The following KRT13 variants were observed in gnomAD, a reference collection of about 807,000 sequenced individuals.
KRT13 encodes keratin 13, also known as keratin, type I cytoskeletal 13.
A neutral mutation model predicts 40.6 loss-of-function variants in KRT13; 27 were observed. The ratio of observed to expected loss-of-function variants is 0.67; its 90% CI spans 0.49 to 0.92. The LOEUF (loss-of-function observed/expected upper bound fraction) is 0.92, where lower values mean the gene tolerates loss of function less well. Ranked by LOEUF, KRT13 falls within the 40% of genes least tolerant of loss-of-function variation. The pLI is 0.00. For missense variants in KRT13, 605 were observed against 611.5 expected, an observed-to-expected ratio of 0.99 and a Z score of 0.11; for synonymous variants, 266 against 240.3, an observed-to-expected ratio of 1.11 and a Z score of -0.99.
intron 6 of KRT13, 117 bp downstream of exon 6, chr17:41,502,257 C>T: frequency 6.2e-7 from 1 of 1,605,838 alleles, no homozygotes; most frequent in Non-Finnish European, 8.5e-7. Context: ...CCCGTAAAGT[C>T]AGACAGTGAG....
chr17:41,504,007 T>C, intron 1 of KRT13: 2 of 433,646 alleles, frequency 4.6e-6, no homozygotes, highest in South Asian at 4.4e-5. Context: ...GGGGTCCACG[T>C]GCTTGAGGAG....
chr17:41,502,165 T>C, intron 6 of KRT13: 1 of 1,469,870 alleles, frequency 6.8e-7, no homozygotes, highest in Non-Finnish European at 9.0e-7. Flanking sequence ...CCCTCCATGG[T>C]CTCTGTTCCC....
In KRT13 at chr17:41,505,294, G is replaced by A. The variant is rs920200832; in HGVS notation, c.257C>T (p.Ala86Val). The change falls in exon 1 of 8, where the codon GCT becomes GTT. Residue 86 changes from alanine to valine, a missense_variant. Ala to Val is a moderately conservative substitution (Grantham distance 64). Coordinates refer to ENST00000246635, the MANE Select transcript of KRT13 (RefSeq NM_153490.3). ...AGCACCAAAGTCAACAAAGCCACCA[G>A]CAAAACCCCCACCAAAGCCACCTCC... Reference protein sequence around the residue: ...GLGGGFGGGFAGGFVDFGACD... With the variant: ...GLGGGFGGGFVGGFVDFGACD... The A allele has an allele frequency of 1.9e-6, 3 of 1,614,076 alleles. No homozygotes were observed. The highest frequency in any genetic ancestry group is 4.5e-5 in the East Asian group (2 of 44,860).
In KRT13 at chr17:41,503,032, T is replaced by C. The variant is rs375724051; in HGVS notation, c.802A>G (p.Ile268Val). 15 of 1,614,080 alleles carry C rather than the reference T, an allele frequency of 9.3e-6. No homozygotes were observed. The African/African-American group carries it at 1.9e-4, about 20-fold the overall frequency. ...VNVEMDATPGIDLTRVLAEMR... is the reference protein window; with the variant it reads ...VNVEMDATPGVDLTRVLAEMR... ...TCTGCCAGCACGCGGGTCAGGTCAATGCCTGGGGTGGCATCCATCTCCACG... is the reference window on the plus strand; with the variant it reads ...TCTGCCAGCACGCGGGTCAGGTCAACGCCTGGGGTGGCATCCATCTCCACG... Residue 268 changes from isoleucine to valine, a missense_variant, in exon 4 of 8, where the codon ATT (isoleucine) becomes GTT (valine). Coordinates refer to ENST00000246635, the MANE Select transcript of KRT13 (RefSeq NM_153490.3).
rs781012520 is a variant in KRT13 at position 41,503,243 on chromosome 17, A to G, written c.735+44T>C. ...TTGCAGGGGAGGGCTCCTCCTTCTCACTGGAGGTTGTTGAGCCCAGGGCAG... is the reference window on the plus strand; with the variant it reads ...TTGCAGGGGAGGGCTCCTCCTTCTCGCTGGAGGTTGTTGAGCCCAGGGCAG... On this transcript the variant is annotated intron_variant, in intron 3 of 7. Coordinates refer to ENST00000246635, the MANE Select transcript of KRT13 (RefSeq NM_153490.3). 6.8e-6 allele frequency: 11 copies of G among 1,611,216 alleles called. No homozygotes were observed. The East Asian group carries it at 8.9e-5, about 13-fold the overall frequency.
At position 41,502,467 on chromosome 17, in the gene KRT13, T is replaced by C; in HGVS notation, c.1151A>G (p.Gln384Arg). 1 of 1,614,250 alleles carries C rather than the reference T, an allele frequency of 6.2e-7. No individual in the cohort carries two copies. The highest frequency in any genetic ancestry group is 8.5e-7 in the Non-Finnish European group (1 of 1,180,046). Reference protein sequence around the residue: ...LSELRSEMECQNQEYKMLLDI... With the variant: ...LSELRSEMECRNQEYKMLLDI... ...CAGCAGCATCTTGTACTCTTGGTTCTGGCACTCCATCTCACTGCGGAGCTC... is the reference window on the plus strand; with the variant it reads ...CAGCAGCATCTTGTACTCTTGGTTCCGGCACTCCATCTCACTGCGGAGCTC... The change falls in exon 6 of 8, where the codon CAG becomes CGG. Residue 384 changes from glutamine to arginine, a missense_variant. Gln to Arg is a conservative substitution (Grantham distance 43, BLOSUM62 1). Coordinates refer to ENST00000246635, the MANE Select transcript of KRT13 (RefSeq NM_153490.3).
At position 41,501,740 on chromosome 17, in the gene KRT13, T is replaced by A. The variant is rs746696292; in HGVS notation, c.1249A>T (p.Ile417Phe). The change falls in exon 7 of 8, where the codon ATT becomes TTT. Residue 417 changes from isoleucine to phenylalanine, a missense_variant. Transcript: ENST00000246635. ...SLLEGQDAKM[I>F]GFPSSAGSVS... ...TTACCTGCTGAGGAAGGGAAACCAA[T>A]CATCCTGGGAGAGAGGACAGAGGTG... 1.3e-6 allele frequency: 2 copies of A among 1,594,422 alleles called. No homozygotes were observed. Among genetic ancestry groups the A allele is most frequent in the African/African-American group, 1.3e-5 (1 of 74,606 alleles).
At position 41,505,181 on chromosome 17, in the gene KRT13, C is replaced by G; in HGVS notation, c.370G>C (p.Ala124Pro). 2 of 1,614,192 alleles carry G rather than the reference C, an allele frequency of 1.2e-6. No individual in the cohort carries two copies. The highest frequency in any genetic ancestry group is 1.7e-6 in the Non-Finnish European group (2 of 1,180,040). Residue 124 changes from alanine to proline, a missense_variant, in exon 1 of 8, where the codon GCC becomes CCC. Physicochemically the swap from Ala to Pro is conservative, Grantham distance 27. Transcript: ENST00000246635. The part of the protein sequence containing the change: ...RLASYLEKVR[A>P]LEEANADLEV... Reference sequence around the variant, plus strand: ...AGGTCAGCGTTGGCCTCCTCCAGGGCGCGCACCTTCTCCAGGTAGGAAGCC... The same window carrying G: ...AGGTCAGCGTTGGCCTCCTCCAGGGGGCGCACCTTCTCCAGGTAGGAAGCC...
At position 41,502,831 on chromosome 17, in the gene KRT13, G is replaced by A. The variant is rs774083465; in HGVS notation, c.898-19C>T. 16 of 1,614,072 alleles carry A rather than the reference G, an allele frequency of 9.9e-6. No individual in the cohort carries two copies. The highest frequency in any genetic ancestry group is 1.6e-4 in the Middle Eastern group (1 of 6,082). On this transcript the variant is annotated intron_variant, in intron 4 of 7. Coordinates refer to ENST00000246635, the MANE Select transcript of KRT13 (RefSeq NM_153490.3). ...CTGCACTCTGAAATGCAAGCAGGAA[G>A]AAGGTGGTGGGGAAGCTCAGCTCGA...
chr17:41,501,346 A>G lies in KRT13; in HGVS notation c.1287T>C (p.Arg429=). 6.4e-7 allele frequency: 1 copy of G among 1,564,864 alleles called. No homozygotes were observed. The highest frequency in any genetic ancestry group is 1.3e-5 in the African/African-American group (1 of 74,362). The change falls in exon 8 of 8, where the codon CGT becomes CGC. Residue 429 remains arginine, a synonymous_variant. Coordinates refer to ENST00000246635, the MANE Select transcript of KRT13 (RefSeq NM_153490.3). ...FPSSAGSVSP[R]STSVTTTSSA... is the part of the protein sequence containing the mutation. ...TAGAAGTCGTGGTAACAGAGGTGCT[A>G]CGGGGGCTGACGCTTCCTGGGAAAC...
In KRT13 at chr17:41,504,989, CTG is replaced by C. The variant is rs946096633; in HGVS notation, c.495+65_495+66del. 31 of 1,588,232 alleles carry C rather than the reference CTG, an allele frequency of 2.0e-5. No homozygotes were observed. The Admixed American group carries it at 3.2e-4, about 17-fold the overall frequency. On this transcript the variant is annotated intron_variant, in intron 1 of 7. Transcript: ENST00000246635. ...CGTCCACACCTAGTCCCCCACAACA[CTG>C]TGTTTCTTGGCCTTGGAGGCTCTGC...
chr17:41,502,088 G>A lies in KRT13; in HGVS notation c.1244+286C>T, dbSNP rs1005180434. Reference sequence around the variant, plus strand: ...TGCAAAGGGTCTAAAGGCAGTTAAAGCACCATAGTAATAGCTTTGTTCAGC... The same window carrying A: ...TGCAAAGGGTCTAAAGGCAGTTAAAACACCATAGTAATAGCTTTGTTCAGC... On this transcript the variant is annotated intron_variant, in intron 6 of 7. Coordinates refer to ENST00000246635, the MANE Select transcript of KRT13 (RefSeq NM_153490.3). 7.8e-6 allele frequency: 11 copies of A among 1,419,110 alleles called. No individual in the cohort carries two copies. The African/African-American group carries it at 1.2e-4, about 15-fold the overall frequency. 87.9% of individuals were successfully genotyped at this position (1,419,110 alleles called of 1,614,324 possible). A position where few individuals can be genotyped will look rare whatever the true frequency, so the allele number is the denominator to read the frequency against.
rs1324251106 is a variant in KRT13, at chr17:41,501,137, G to A, written c.*119C>T. 7 of 709,854 alleles carry A rather than the reference G, an allele frequency of 9.9e-6. No homozygotes were observed. Among genetic ancestry groups the A allele is most frequent in the Admixed American group, 4.2e-5 (2 of 48,094 alleles). 44.0% of individuals were successfully genotyped at this position (709,854 alleles called of 1,614,324 possible). On this transcript the variant is annotated 3_prime_UTR_variant, in exon 8 of 8. Transcript: ENST00000246635. The stretch of plus-strand genomic sequence containing the variant: ...CATCAGGAGAGAGTCAGGACAGGGG[G>A]TCCTGAGAGCAGAGGGACTGAGCCT...
chr17:41,501,336 CAG>C lies in KRT13; in HGVS notation c.1295_1296del (p.Ser432CysfsTer6). 1 of 1,571,736 alleles carries C rather than the reference CAG, an allele frequency of 6.4e-7. No homozygotes were observed. On this transcript the variant is annotated frameshift_variant, in exon 8 of 8. Coordinates refer to ENST00000246635, the MANE Select transcript of KRT13 (RefSeq NM_153490.3). LOFTEE classifies it low-confidence loss of function (END_TRUNC). Reference sequence around the variant, plus strand: ...ACAGAGGCACTAGAAGTCGTGGTAACAGAGGTGCTACGGGGGCTGACGCTTCC... The same window carrying C: ...ACAGAGGCACTAGAAGTCGTGGTAACAGGTGCTACGGGGGCTGACGCTTCC... Reference protein sequence around the residue: ...SAGSVSPRSTSVTTTSSASVT... With the variant: ...SAGSVSPRSTXVTTTSSASVT...
At position 41,505,107 on chromosome 17, in the gene KRT13, AG is replaced by A. The variant is rs1567714584; in HGVS notation, c.443del (p.Pro148LeufsTer20). ...DWHLKQSPAS[P>X]ERDYSPYYKT... ...TGTAGTAGGGGCTGTAGTCCCGCTC[AG>A]GGCTAGCTGGGCTCTGCTTCAGGTG... On this transcript the variant is annotated frameshift_variant, in exon 1 of 8. Transcript: ENST00000246635. LOFTEE classifies it high-confidence loss of function. 2 of 1,614,218 alleles carry A rather than the reference AG, an allele frequency of 1.2e-6. No homozygotes were observed. The highest frequency in any genetic ancestry group is 3.3e-5 in the Admixed American group (2 of 60,030).
intron 6 of KRT13, 86 bp downstream of exon 6, chr17:41,502,288 G>C (rs188713834): frequency 2.5e-6 from 4 of 1,611,518 alleles, no homozygotes; most frequent in Non-Finnish European, 3.4e-6. Context: ...TCTGACATGA[G>C]GGGGTGGATC....
In KRT13 at chr17:41,502,822, A is replaced by C. The variant is rs748999503; in HGVS notation, c.898-10T>G. ...TGTTCAGCTCTGCACTCTGAAATGCAAGCAGGAAGAAGGTGGTGGGGAAGC... is the reference window on the plus strand; with the variant it reads ...TGTTCAGCTCTGCACTCTGAAATGCCAGCAGGAAGAAGGTGGTGGGGAAGC... On this transcript the variant is annotated splice_polypyrimidine_tract_variant and intron_variant, in intron 4 of 7. Transcript: ENST00000246635. The C allele has an allele frequency of 6.2e-7, 1 of 1,614,156 alleles. No homozygotes were observed. Among genetic ancestry groups the C allele is most frequent in the African/African-American group, 1.3e-5 (1 of 75,034 alleles).
At position 41,503,633 on chromosome 17, in the gene KRT13, A is replaced by C. The variant is rs758378900; in HGVS notation, c.578+10T>G. 6.2e-7 allele frequency: 1 copy of C among 1,613,082 alleles called. No homozygotes were observed. The highest frequency in any genetic ancestry group is 8.5e-7 in the Non-Finnish European group (1 of 1,179,118). ...GGGAAAGGAGAGGGAGGGGGAAAAAAAAAACTCACTTGAGCCTGAAGTCGT... is the reference window on the plus strand; with the variant it reads ...GGGAAAGGAGAGGGAGGGGGAAAAACAAAACTCACTTGAGCCTGAAGTCGT... On this transcript the variant is annotated intron_variant, in intron 2 of 7. Transcript: ENST00000246635.
At position 41,503,690 on chromosome 17, in the gene KRT13, G is replaced by A. The variant is rs1904953367; in HGVS notation, c.531C>T (p.Ile177=). The part of the protein sequence containing the change: ...LTATIENNRV[I]LEIDNARLAA... ...CCAGCCTGGCATTGTCAATCTCCAGGATGACCCGGTTGTTTTCAATGGTGG... is the reference window on the plus strand; with the variant it reads ...CCAGCCTGGCATTGTCAATCTCCAGAATGACCCGGTTGTTTTCAATGGTGG... Residue 177 remains isoleucine (I), a synonymous_variant, in exon 2 of 8, where the codon ATC becomes ATT. Transcript: ENST00000246635. The A allele has an allele frequency of 6.2e-7, 1 of 1,614,072 alleles. No individual in the cohort carries two copies. The highest frequency in any genetic ancestry group is 8.5e-7 in the Non-Finnish European group (1 of 1,180,006).
Sources: gnomAD v4.1 joint callset for allele counts on GRCh38, gnomAD v4.1.1 for gene constraint, MANE v1.5 for transcripts, NCBI Gene and HGNC (gene_info 2026-07-23, HGNC 2026-07-21) for gene names.